Variants in ARHGEF33 observed in about 807,000 individuals in gnomAD.
ARHGEF33 encodes DH and coiled-coil domain-containing protein ENSP00000381780.
ARHGEF33 carries 72 observed loss-of-function variants against 101.9 expected under a neutral mutation model. The observed-to-expected ratio is 0.71, with a 90% CI of 0.58 to 0.86. The LOEUF (loss-of-function observed/expected upper bound fraction) is 0.86. Ranked by LOEUF, ARHGEF33 falls within the 40% of genes least tolerant of loss-of-function variation. The pLI is 0.00. For synonymous variants in ARHGEF33, 499 were observed against 442.5 expected, an observed-to-expected ratio of 1.13 and a Z score of -1.60; for missense variants, 1,169 against 1,111.3, an observed-to-expected ratio of 1.05 and a Z score of -0.74.
intron 7 of ARHGEF33, among the ~76,000 whole-genome samples, chr2:38,934,022 T>C (rs1278285381): frequency 6.6e-6 from 1 of 152,222 alleles, no homozygotes; most frequent in Admixed American, 6.5e-5. Context: ...ATGTTTAGCC[T>C]CCCTACTCCT....
At chr2:38,899,118 C>A in intron 2 of ARHGEF33, among the ~76,000 whole-genome samples, 1 of 151,916 alleles carries the variant, frequency 6.6e-6, no homozygotes, top group East Asian at 1.9e-4. Flanking sequence ...TGATTATAAA[C>A]ATCTCCTGAA....
chr2:38,954,472 A>G lies in ARHGEF33; in HGVS notation c.1221+16A>G. 6.7e-7 allele frequency: 1 copy of G among 1,492,604 alleles called. No individual in the cohort carries two copies. Among genetic ancestry groups the G allele is most frequent in the Non-Finnish European group, 9.1e-7 (1 of 1,093,298 alleles). The allele number at this position is 1,492,604 out of a possible 1,614,324, so 92.5% of individuals were successfully genotyped here. The stretch of plus-strand genomic sequence containing the variant: ...ACATCTGCAGGTAGGCATGGGTGGG[A>G]AAGCCACCAAACTGATTTGCATGCT... On this transcript the variant is annotated intron_variant, in intron 13 of 17. Coordinates refer to ENST00000409978, the MANE Select transcript of ARHGEF33 (RefSeq NM_001145451.5).
At chr2:38,893,991 A>G in intron 1 of ARHGEF33, among the ~76,000 whole-genome samples, 1 of 152,172 alleles carries the variant, frequency 6.6e-6, no homozygotes, top group East Asian at 1.9e-4. Flanking sequence ...GAAAGCACAC[A>G]TAGGCTCCAA....
chr2:38,892,222 C>G (rs774027369), intron 1 of ARHGEF33, among the ~76,000 whole-genome samples: 1 of 152,118 alleles, frequency 6.6e-6, no homozygotes, highest in Non-Finnish European at 1.5e-5. Flanking sequence ...ATATAATTCC[C>G]TTATATGGGG....
chr2:38,934,529 C>T (rs1396278528), intron 7 of ARHGEF33, among the ~76,000 whole-genome samples: 9 of 56,968 alleles, frequency 1.6e-4, no homozygotes, highest in African/African-American at 7.1e-4. Context: ...CCTCCCCCTT[C>T]TCTCCCTCCC....
chr2:38,971,049 G>A (rs561550919), intron 17 of ARHGEF33, among the ~76,000 whole-genome samples: 1 of 152,278 alleles, frequency 6.6e-6, no homozygotes, highest in South Asian at 2.1e-4. Flanking sequence ...CCAACAGGAT[G>A]GGTGTTTCCT....
At chr2:38,890,940 C>A (rs991382261) in intron 1 of ARHGEF33, among the ~76,000 whole-genome samples, 112 of 150,234 alleles carry the variant, frequency 7.5e-4, no homozygotes, top group African/African-American at 2.7e-3. Flanking sequence ...AACTCAGAGG[C>A]TTTTGAAACA....
At chr2:38,891,402 T>C (rs3099955) in intron 1 of ARHGEF33, among the ~76,000 whole-genome samples, 45,275 of 151,882 alleles carry the variant, frequency 0.3, 7,256 homozygotes, top group Non-Finnish European at 0.36. Context: ...TCTCTCCCTC[T>C]TCCTTCCTTT....
chr2:38,896,344 G>A (rs901418747), intron 2 of ARHGEF33, among the ~76,000 whole-genome samples: 1 of 152,128 alleles, frequency 6.6e-6, no homozygotes, highest in Non-Finnish European at 1.5e-5. Context: ...CACCATGTTG[G>A]CCAGGCTGGT....
chr2:38,942,320 C>G (rs563037002), intron 9 of ARHGEF33, among the ~76,000 whole-genome samples: 48 of 151,920 alleles, frequency 3.2e-4, no homozygotes, highest in Admixed American at 2.1e-3. Flanking sequence ...GTGCACACCA[C>G]TATGCCCAGC....
At chr2:38,965,791 A>G (rs2124429740) in intron 16 of ARHGEF33, among the ~76,000 whole-genome samples, 1 of 152,246 alleles carries the variant, frequency 6.6e-6, no homozygotes, top group Non-Finnish European at 1.5e-5. Flanking sequence ...ATTTGCCTTG[A>G]TACATAGAAA....
chr2:38,968,257 C>A (rs776758870), intron 17 of ARHGEF33, among the ~76,000 whole-genome samples: 13 of 152,114 alleles, frequency 8.5e-5, no homozygotes, highest in Non-Finnish European at 1.9e-4. Context: ...GGAATGGATT[C>A]ATGGGATGCC....
intron 17 of ARHGEF33, among the ~76,000 whole-genome samples, chr2:38,970,105 A>G (rs376764275): frequency 6.6e-6 from 1 of 152,350 alleles, no homozygotes; most frequent in African/African-American, 2.4e-5. Flanking sequence ...GATAAGGAAT[A>G]TGGCTTCCAA....
At chr2:38,955,624 T>G (rs1012699798) in intron 13 of ARHGEF33, among the ~76,000 whole-genome samples, 3 of 150,884 alleles carry the variant, frequency 2.0e-5, no homozygotes, top group Non-Finnish European at 4.4e-5. Flanking sequence ...CTCGGCCTCC[T>G]GAGTAGTTGA....
At chr2:38,937,670 C>T (rs2124393760) in intron 9 of ARHGEF33, 111 bp downstream of exon 9, 1 of 672,196 alleles carries the variant, frequency 1.5e-6, no homozygotes, top group South Asian at 1.9e-5. Context: ...CACATGAGGC[C>T]ACCTAGTTCC....
chr2:38,963,139 C>T (rs1416183607), intron 16 of ARHGEF33, among the ~76,000 whole-genome samples: 1 of 151,812 alleles, frequency 6.6e-6, no homozygotes, highest in East Asian at 1.9e-4. Context: ...TGTATGTGCA[C>T]GTCTGCATGT....
intron 1 of ARHGEF33, among the ~76,000 whole-genome samples, chr2:38,891,440 A>G (rs1665995049): frequency 6.6e-6 from 1 of 150,964 alleles, no homozygotes; most frequent in Non-Finnish European, 1.5e-5. Flanking sequence ...GCAGTTCTTA[A>G]CCTTTTCGGT....
chr2:38,898,537 A>G (rs1484945582), intron 2 of ARHGEF33, among the ~76,000 whole-genome samples: 5 of 152,238 alleles, frequency 3.3e-5, no homozygotes. Flanking sequence ...ACAGTGGGTC[A>G]GGTTTTTAAC....
chr2:38,956,962 C>T lies in ARHGEF33; in HGVS notation c.1285C>T (p.Arg429Cys), dbSNP rs1553345788. 1 of 1,552,298 alleles carries T rather than the reference C, an allele frequency of 6.4e-7. No homozygotes were observed. The highest frequency in any genetic ancestry group is 8.7e-7 in the Non-Finnish European group (1 of 1,147,104). ...DYYLLLVCVQ[R>C]LRVFISHYTL... Reference sequence around the variant, plus strand: ...TTATCTACTACTGGTGTGTGTCCAGCGCCTCCGAGTATTTATCTCACACTA... The same window carrying T: ...TTATCTACTACTGGTGTGTGTCCAGTGCCTCCGAGTATTTATCTCACACTA... Residue 429 changes from arginine to cysteine, a missense_variant, in exon 14 of 18, where the codon CGC (arginine) becomes TGC (cysteine). Transcript: ENST00000409978.
Sources: gnomAD v4.1 joint callset for allele counts (sites outside exome capture counted in the v4.1 genomes callset) on GRCh38, gnomAD v4.1.1 for gene constraint, MANE v1.5 for transcripts, NCBI Gene and HGNC (gene_info 2026-07-23, HGNC 2026-07-21) for gene names.